CCL4: variants seen among roughly 807,000 people sequenced by gnomAD.
CCL4 encodes C-C motif chemokine 4.
CCL4 carries 8 observed loss-of-function variants against 10.3 expected under a neutral mutation model. The observed-to-expected ratio is 0.77, with a 90% confidence interval of 0.45 to 1.39. CCL4 has a LOEUF of 1.39. CCL4 is among the 40% of genes most tolerant of loss of function. CCL4 has a pLI of 0.00. For synonymous variants in CCL4, 35 were observed against 44.3 expected, an observed-to-expected ratio of 0.79 and a Z score of 0.83; for missense variants, 106 against 111.2, an observed-to-expected ratio of 0.95 and a Z score of 0.21.
At chr17:36,104,399 T>C in intron 1 of CCL4, 129 bp from the exon 2 acceptor site, 1 of 1,066,738 alleles carries the variant, frequency 9.4e-7, no homozygotes, top group Non-Finnish European at 1.4e-6. Flanking sequence ...CTCCTGCTCA[T>C]GTTAGGTGGG....
Position 36,105,559 on chromosome 17 carries a change from T to C in CCL4, c.*247T>C. 2 of 586,648 alleles carry C rather than the reference T, an allele frequency of 3.4e-6. No individual in the cohort carries two copies. The allele number at this position is 586,648 out of a possible 1,614,324, so 36.3% of individuals were successfully genotyped here. On this transcript the variant is annotated 3_prime_UTR_variant, in exon 3 of 3. Coordinates refer to ENST00000615863, the MANE Select transcript of CCL4 (RefSeq NM_002984.4). Reference sequence around the variant, plus strand: ...CTGTTTCTCTGCTGTTGCAAATACATGGATAACACATTTGATTCTGTGTGT... The same window carrying C: ...CTGTTTCTCTGCTGTTGCAAATACACGGATAACACATTTGATTCTGTGTGT...
chr17:36,104,596 G>C lies in CCL4; in HGVS notation c.145G>C (p.Val49Leu). ...GAGGAAGCTTCCTCGCAACTTTGTG[G>C]TAGATTACTATGAGACCAGCAGCCT... The part of the protein sequence containing the change: ...TARKLPRNFV[V>L]DYYETSSLCS... Residue 49 changes from valine (V) to leucine (L), a missense_variant, in exon 2 of 3, where the codon GTA (valine) becomes CTA (leucine). Coordinates refer to ENST00000615863, the MANE Select transcript of CCL4 (RefSeq NM_002984.4). The C allele has an allele frequency of 6.2e-7, 1 of 1,613,564 alleles. No individual in the cohort carries two copies. Among genetic ancestry groups the C allele is most frequent in the South Asian group, 1.1e-5 (1 of 91,050 alleles).
At position 36,105,250 on chromosome 17, in the gene CCL4, G is replaced by A. The variant is rs1246572178; in HGVS notation, c.217G>A (p.Val73Ile). ...ATTCCAAACCAAAAGAAGCAAGCAAGTCTGTGCTGATCCCAGTGAATCCTG... is the reference window on the plus strand; with the variant it reads ...ATTCCAAACCAAAAGAAGCAAGCAAATCTGTGCTGATCCCAGTGAATCCTG... ...VVFQTKRSKQ[V>I]CADPSESWVQ... The change falls in exon 3 of 3, where the codon GTC becomes ATC. Residue 73 changes from valine to isoleucine, a missense_variant. Val to Ile is a conservative substitution (Grantham distance 29). Coordinates refer to ENST00000615863, the MANE Select transcript of CCL4 (RefSeq NM_002984.4). 1 of 1,613,914 alleles carries A rather than the reference G, an allele frequency of 6.2e-7. No individual in the cohort carries two copies. Among genetic ancestry groups the A allele is most frequent in the African/African-American group, 1.3e-5 (1 of 74,914 alleles).
intron 1 of CCL4, 88 bp downstream of exon 1, chr17:36,104,069 G>C: frequency 6.7e-7 from 1 of 1,481,646 alleles, no homozygotes; most frequent in Non-Finnish European, 9.4e-7. Context: ...GTGGGATCTG[G>C]GGATGGGACA....
chr17:36,104,697 A>G, intron 2 of CCL4, 55 bp downstream of exon 2: 1 of 1,609,252 alleles, frequency 6.2e-7, no homozygotes, highest in Non-Finnish European at 8.5e-7. Flanking sequence ...CTGGATTTTA[A>G]AAGAGGGCCT....
chr17:36,104,751 G>A, intron 2 of CCL4, 109 bp downstream of exon 2: 4 of 1,381,894 alleles, frequency 2.9e-6, no homozygotes, highest in Non-Finnish European at 4.1e-6. Context: ...GCAGCTCCCA[G>A]GGCTGAAGCC....
In CCL4 at chr17:36,105,534, C is replaced by T; in HGVS notation, c.*222C>T. ...CCCCTATGGGGATGGTCCACTGTCA[C>T]TGTTTCTCTGCTGTTGCAAATACAT... On this transcript the variant is annotated 3_prime_UTR_variant, in exon 3 of 3. Coordinates refer to ENST00000615863, the MANE Select transcript of CCL4 (RefSeq NM_002984.4). The T allele has an allele frequency of 3.3e-6, 2 of 609,434 alleles. No individual in the cohort carries two copies. Among genetic ancestry groups the T allele is most frequent in the African/African-American group, 3.7e-5 (2 of 53,948 alleles). 37.8% of individuals were successfully genotyped at this position (609,434 alleles called of 1,614,324 possible).
At position 36,105,539 on chromosome 17, in the gene CCL4, T is replaced by A; in HGVS notation, c.*227T>A. 1 of 605,678 alleles carries A rather than the reference T, an allele frequency of 1.7e-6. No homozygotes were observed. The allele number at this position is 605,678 out of a possible 1,614,324, so 37.5% of individuals were successfully genotyped here. On this transcript the variant is annotated 3_prime_UTR_variant, in exon 3 of 3. Transcript: ENST00000615863. ...ATGGGGATGGTCCACTGTCACTGTT[T>A]CTCTGCTGTTGCAAATACATGGATA...
At position 36,105,297 on chromosome 17, in the gene CCL4, C is replaced by T. The variant is rs2067152933; in HGVS notation, c.264C>T (p.Asp88=). ...SESWVQEYVY[D]LELN ...CCTGGGTCCAGGAGTACGTGTATGA[C>T]CTGGAACTGAACTGAGCTGCTCAGA... The change falls in exon 3 of 3, where the codon GAC becomes GAT. Residue 88 remains aspartate, a synonymous_variant. Coordinates refer to ENST00000615863, the MANE Select transcript of CCL4 (RefSeq NM_002984.4). 6.2e-7 allele frequency: 1 copy of T among 1,613,824 alleles called. No homozygotes were observed. The highest frequency in any genetic ancestry group is 1.3e-5 in the African/African-American group (1 of 74,904).
chr17:36,104,498 T>C (rs1185213097), intron 1 of CCL4, 30 bp from the exon 2 acceptor site: 1 of 1,607,440 alleles, frequency 6.2e-7, no homozygotes, highest in South Asian at 1.1e-5. Context: ...CCACGGGCAG[T>C]GTTGATCTCA....
In CCL4 at chr17:36,103,971, C is replaced by T. The variant is rs776854056; in HGVS notation, c.66C>T (p.Leu22=). The stretch of plus-strand genomic sequence containing the variant: ...TAGCTGCCTTCTGCTCTCCAGCGCT[C>T]TCAGCACCAAGTAAGTCTACTTTTG... ...MLVAAFCSPA[L]SAPMGSDPPT... is the part of the protein sequence containing the mutation. Residue 22 remains leucine, a synonymous_variant, in exon 1 of 3, where the codon CTC becomes CTT. Coordinates refer to ENST00000615863, the MANE Select transcript of CCL4 (RefSeq NM_002984.4). 177 of 1,613,870 alleles carry T rather than the reference C, an allele frequency of 1.1e-4. No homozygotes were observed. Among genetic ancestry groups the T allele is most frequent in the Non-Finnish European group, 1.4e-4 (167 of 1,179,876 alleles).
Position 36,105,569 on chromosome 17 carries a change from A to C in CCL4, c.*257A>C, listed in dbSNP as rs1049837. On this transcript the variant is annotated 3_prime_UTR_variant, in exon 3 of 3. Coordinates refer to ENST00000615863, the MANE Select transcript of CCL4 (RefSeq NM_002984.4). ...GCTGTTGCAAATACATGGATAACAC[A>C]TTTGATTCTGTGTGTTTTCATAATA... is the stretch of plus-strand genomic sequence containing the variant. The C allele has an allele frequency of 1.7e-6, 1 of 572,204 alleles. No individual in the cohort carries two copies. Among genetic ancestry groups the C allele is most frequent in the African/African-American group, 1.9e-5 (1 of 53,470 alleles). The allele number at this position is 572,204 out of a possible 1,614,324, so 35.4% of individuals were successfully genotyped here.
chr17:36,104,091 G>T (rs1598826720), intron 1 of CCL4, 110 bp downstream of exon 1: 1 of 1,221,172 alleles, frequency 8.2e-7, no homozygotes, highest in East Asian at 2.3e-5. Context: ...AAGGCAGCTA[G>T]GAAGATTGCC....
Position 36,103,912 on chromosome 17 carries a change from C to T in CCL4, c.7C>T (p.Leu3Phe), listed in dbSNP as rs555952117. 6.2e-7 allele frequency: 1 copy of T among 1,614,026 alleles called. No individual in the cohort carries two copies. Among genetic ancestry groups the T allele is most frequent in the South Asian group, 1.1e-5 (1 of 91,082 alleles). The change falls in exon 1 of 3, where the codon CTC becomes TTC. Residue 3 changes from leucine (L) to phenylalanine (F), a missense_variant. By Grantham distance (22) the Leu-to-Phe change is conservative. Transcript: ENST00000615863. The stretch of plus-strand genomic sequence containing the variant: ...CCTCTTTTCCACCAATACCATGAAG[C>T]TCTGCGTGACTGTCCTGTCTCTCCT... MKLCVTVLSLLML... is the reference protein window; with the variant it reads MKFCVTVLSLLML...
At chr17:36,105,054 CAGTGGGTGGA>C (rs2067149718) in intron 2 of CCL4, 161 bp from the exon 3 acceptor site, 1 of 792,926 alleles carries the variant, frequency 1.3e-6, no homozygotes, top group African/African-American at 1.7e-5. Flanking sequence ...CAGCTAAATC[CAGTGGGTGGA>C]AGTTACAGGG....
chr17:36,105,233 C>A lies in CCL4; in HGVS notation c.200C>A (p.Thr67Asn), dbSNP rs771093072. The change falls in exon 3 of 3, where the codon ACC becomes AAC. Residue 67 changes from threonine (T) to asparagine (N), a missense_variant. Coordinates refer to ENST00000615863, the MANE Select transcript of CCL4 (RefSeq NM_002984.4). The stretch of plus-strand genomic sequence containing the variant: ...CGCTCCTTGTTCTACAGATTCCAAA[C>A]CAAAAGAAGCAAGCAAGTCTGTGCT... ...LCSQPAVVFQ[T>N]KRSKQVCADP... The A allele has an allele frequency of 3.7e-6, 6 of 1,613,742 alleles. No homozygotes were observed. Among genetic ancestry groups the A allele is most frequent in the Non-Finnish European group, 4.2e-6 (5 of 1,179,758 alleles).
chr17:36,103,997 C>A lies in CCL4; in HGVS notation c.76+16C>A, dbSNP rs767716059. ...TCAGCACCAAGTAAGTCTACTTTTG[C>A]AGCTGCTATTTCGAGTCAAGGTGTA... On this transcript the variant is annotated intron_variant, in intron 1 of 2. Transcript: ENST00000615863. 1.9e-6 allele frequency: 3 copies of A among 1,613,760 alleles called. No individual in the cohort carries two copies. The highest frequency in any genetic ancestry group is 2.5e-6 in the Non-Finnish European group (3 of 1,179,794).
In CCL4 at chr17:36,104,570, C is replaced by T. The variant is rs529554188; in HGVS notation, c.119C>T (p.Ala40Val). ...ACCGCCTGCTGCTTTTCTTACACCG[C>T]GAGGAAGCTTCCTCGCAACTTTGTG... ...PPTACCFSYT[A>V]RKLPRNFVVD... Residue 40 changes from alanine to valine, a missense_variant, in exon 2 of 3, where the codon GCG (alanine) becomes GTG (valine). Transcript: ENST00000615863. 7.6e-5 allele frequency: 122 copies of T among 1,612,794 alleles called. No homozygotes were observed. The highest frequency in any genetic ancestry group is 9.8e-5 in the Non-Finnish European group (116 of 1,179,830).
chr17:36,105,009 C>T (rs1407983265), intron 2 of CCL4: 3 of 722,344 alleles, frequency 4.2e-6, no homozygotes, highest in Middle Eastern at 2.3e-4. Flanking sequence ...TTGCAATGCC[C>T]CTTGGTTCCT....
Sources: allele counts gnomAD v4.1 joint callset, GRCh38; gene constraint gnomAD v4.1.1; transcripts MANE v1.5; gene names NCBI Gene and HGNC (gene_info 2026-07-23, HGNC 2026-07-21).